The following LCA5L variants were observed in gnomAD, a reference collection of about 807,000 sequenced individuals.
The protein encoded by LCA5L is lebercilin LCA5 like.
A neutral mutation model predicts 45.4 loss-of-function variants in LCA5L; 35 were observed. That is an observed-to-expected ratio of 0.77 (90% CI 0.59 to 1.02). The LOEUF is 1.02. Ranked by LOEUF, LCA5L falls within the 50% of genes least tolerant of loss-of-function variation. The pLI, the probability that LCA5L is intolerant of heterozygous loss-of-function variation, is 0.00. For synonymous variants in LCA5L, 233 were observed against 264.7 expected, an observed-to-expected ratio of 0.88 and a Z score of 1.16; for missense variants, 668 against 761.6, an observed-to-expected ratio of 0.88 and a Z score of 1.45.
chr21:39,422,847 T>C lies in LCA5L; in HGVS notation c.837+129A>G, dbSNP rs1240468574. 7.0e-6 allele frequency: 6 copies of C among 851,084 alleles called. No homozygotes were observed. In the African/African-American group the frequency reaches 1.0e-4, roughly 14 times the overall value. 52.7% of individuals were successfully genotyped at this position (851,084 alleles called of 1,614,324 possible). On this transcript the variant is annotated intron_variant, in intron 6 of 10. Transcript: ENST00000288350. ...TGCCCTCTATTAGACAACATAATTA[T>C]TTAGTGCAGCACGCCAAGTGAAGCA...
chr21:39,424,178 A>G (rs2074243516), intron 5 of LCA5L, among the ~76,000 whole-genome samples: 1 of 151,818 alleles, frequency 6.6e-6, no homozygotes, highest in African/African-American at 2.4e-5. Context: ...ATGCCCTGCT[A>G]ATTTTTGTAT....
chr21:39,423,462 C>T lies in LCA5L; in HGVS notation c.351G>A (p.Lys117=). 6.4e-7 allele frequency: 1 copy of T among 1,566,314 alleles called. No homozygotes were observed. Among genetic ancestry groups the T allele is most frequent in the Non-Finnish European group, 8.6e-7 (1 of 1,163,332 alleles). The change falls in exon 6 of 11, where the codon AAG becomes AAA. Residue 117 remains lysine, a synonymous_variant. Coordinates refer to ENST00000288350, the MANE Select transcript of LCA5L (RefSeq NM_152505.4). ...TAAAGAGTGATGCATTCCAGGTGTG[C>T]TTTTTTTCAACTGATATTTCCTTCT... is the stretch of plus-strand genomic sequence containing the variant. The part of the protein sequence containing the change: ...KGQKEISVEK[K]HTWNASLFNS...
intron 1 of LCA5L, chr21:39,445,339 A>C (rs1255942375): frequency 2.0e-5 from 3 of 152,340 alleles, no homozygotes; most frequent in Non-Finnish European, 2.9e-5. Flanking sequence ...ATCGGAGGTC[A>C]GATAGAAGAT....
intron 7 of LCA5L, among the ~76,000 whole-genome samples, chr21:39,419,361 C>A (rs1173925085): frequency 6.6e-6 from 1 of 151,618 alleles, no homozygotes; most frequent in Non-Finnish European, 1.5e-5. Context: ...CCCGTCTCTA[C>A]AAAAATTTTA....
At chr21:39,430,435 T>C (rs1163280917) in intron 3 of LCA5L, among the ~76,000 whole-genome samples, 2 of 152,150 alleles carry the variant, frequency 1.3e-5, no homozygotes, top group African/African-American at 4.8e-5. Flanking sequence ...CCAGCTACAG[T>C]AGTGGGAGGG....
In LCA5L at chr21:39,428,178, AT is replaced by A; in HGVS notation, c.315del (p.Gln105HisfsTer27). The A allele has an allele frequency of 4.5e-6, 7 of 1,570,850 alleles. No homozygotes were observed. Among genetic ancestry groups the A allele is most frequent in the South Asian group, 1.2e-5 (1 of 85,362 alleles). Reference protein sequence around the residue: ...KKKYNVSKISQSKGQKEISVE... With the variant: ...KKKYNVSKISXSKGQKEISVE... ...GGGAAATTTTACTCCTTACCTTTAG[AT>A]TGGGAGATTTTAGAAACATTATACT... On this transcript the variant is annotated frameshift_variant, in exon 5 of 11. Coordinates refer to ENST00000288350, the MANE Select transcript of LCA5L (RefSeq NM_152505.4). LOFTEE classifies it high-confidence loss of function.
At chr21:39,444,808 T>A (rs1004100515) in intron 1 of LCA5L, 2 of 152,220 alleles carry the variant, frequency 1.3e-5, no homozygotes, top group Non-Finnish European at 2.9e-5. Context: ...AACTGGAGGA[T>A]GGAATTTCCA....
intron 2 of LCA5L, chr21:39,443,497 G>C (rs1602010719): frequency 1.3e-5 from 2 of 152,304 alleles, no homozygotes; most frequent in African/African-American, 2.4e-5. Flanking sequence ...ACAGATATAA[G>C]TAAGGCTTGC....
At chr21:39,415,342 C>T (rs1023688173) in intron 7 of LCA5L, among the ~76,000 whole-genome samples, 1 of 152,098 alleles carries the variant, frequency 6.6e-6, no homozygotes, top group African/African-American at 2.4e-5. Context: ...AAGCATTTTT[C>T]CCTTTGAAAC....
At chr21:39,431,066 G>C (rs189496079) in intron 3 of LCA5L, among the ~76,000 whole-genome samples, 1 of 152,238 alleles carries the variant, frequency 6.6e-6, no homozygotes, top group African/African-American at 2.4e-5. Context: ...AGCCACATAA[G>C]AATAAACAAG....
In LCA5L at chr21:39,405,914, G is replaced by A; in HGVS notation, c.1981C>T (p.Pro661Ser). The A allele has an allele frequency of 6.2e-7, 1 of 1,601,546 alleles. No individual in the cohort carries two copies. Among genetic ancestry groups the A allele is most frequent in the South Asian group, 1.1e-5 (1 of 90,024 alleles). ...ATTATTTTTCTTTTTCCTTCTGTAG[G>A]TGACGATGGCTTAATAGAATTTACC... ...TVVNSIKPSS[P>S]TEGKRKIII Residue 661 changes from proline (P) to serine (S), a missense_variant, in exon 11 of 11, where the codon CCT (proline) becomes TCT (serine). Transcript: ENST00000288350.
chr21:39,417,648 G>A (rs913436894), intron 7 of LCA5L, among the ~76,000 whole-genome samples: 2 of 152,172 alleles, frequency 1.3e-5, no homozygotes, highest in South Asian at 2.1e-4. Context: ...CACATGGCTG[G>A]GGAGGCCTCA....
intron 2 of LCA5L, among the ~76,000 whole-genome samples, chr21:39,435,821 A>G (rs1448535614): frequency 2.0e-5 from 3 of 152,076 alleles, no homozygotes; most frequent in Non-Finnish European, 4.4e-5. Context: ...TATTTTTAGT[A>G]CAGACGGGGT....
Position 39,418,249 on chromosome 21 carries a change from C to G in LCA5L, c.975+2457G>C, listed in dbSNP as rs989987941. On this transcript the variant is annotated intron_variant, in intron 7 of 10. Transcript: ENST00000288350. ...GGGTGGGGACACAGCCAAACCATAT[C>G]AAGGATATTACAGTTTCGTTTGCCT... is the stretch of plus-strand genomic sequence containing the variant. Among the ~76,000 whole-genome samples, 5 of 152,150 alleles carry G rather than the reference C, an allele frequency of 3.3e-5. No homozygotes were observed. The South Asian group carries it at 1.0e-3, about 31-fold the overall frequency.
rs138224767 is a variant in LCA5L at position 39,410,059 on chromosome 21, T to C, written c.1202A>G (p.Lys401Arg). The part of the protein sequence containing the change: ...KATGNIDHKE[K>R]STEINHEIPH... ...AATTTCATGATTTATTTCAGTTGAT[T>C]TTTCTTTATGATCGATGTTTCCTGT... is the stretch of plus-strand genomic sequence containing the variant. The change falls in exon 10 of 11, where the codon AAA becomes AGA. Residue 401 changes from lysine to arginine, a missense_variant. Physicochemically the swap from Lys to Arg is conservative, Grantham distance 26. Transcript: ENST00000288350. 283 of 1,611,650 alleles carry C rather than the reference T, an allele frequency of 1.8e-4. No individual in the cohort carries two copies. The highest frequency in any genetic ancestry group is 1.1e-3 in the Admixed American group (64 of 59,888).
At chr21:39,434,492 GA>G (rs2076098944) in intron 3 of LCA5L, among the ~76,000 whole-genome samples, 1 of 152,016 alleles carries the variant, frequency 6.6e-6, no homozygotes. Context: ...GTGCATTTTT[GA>G]AAAATCCAGG....
At chr21:39,417,612 A>G (rs1167552493) in intron 7 of LCA5L, among the ~76,000 whole-genome samples, 1 of 152,142 alleles carries the variant, frequency 6.6e-6, no homozygotes, top group East Asian at 1.9e-4. Flanking sequence ...TTTATAAGGG[A>G]CAGAGGTTTA....
Position 39,406,440 on chromosome 21 carries a change from T to A in LCA5L, c.1455A>T (p.Glu485Asp), listed in dbSNP as rs777197200. 8.1e-6 allele frequency: 13 copies of A among 1,614,010 alleles called. No homozygotes were observed. The highest frequency in any genetic ancestry group is 1.3e-5 in the African/African-American group (1 of 74,934). ...VIHPERESNQEDVLVREKFKR... is the reference protein window; with the variant it reads ...VIHPERESNQDDVLVREKFKR... ...TAAACTTTTCTCTTACTAGAACATC[T>A]TCTTGATTGCTTTCTCTTTCAGGAT... The change falls in exon 11 of 11, where the codon GAA becomes GAT. Residue 485 changes from glutamate (E) to aspartate (D), a missense_variant. By Grantham distance (45) the Glu-to-Asp change is conservative (BLOSUM62 2). Transcript: ENST00000288350.
intron 5 of LCA5L, among the ~76,000 whole-genome samples, chr21:39,427,095 G>A (rs1014749057): frequency 2.0e-5 from 3 of 152,194 alleles, no homozygotes; most frequent in Admixed American, 2.0e-4. Context: ...CAGCAGACTG[G>A]GGATGCAAGA....
Sources: gnomAD v4.1 joint callset for allele counts (sites outside exome capture counted in the v4.1 genomes callset) on GRCh38, gnomAD v4.1.1 for gene constraint, MANE v1.5 for transcripts, NCBI Gene and HGNC (gene_info 2026-07-23, HGNC 2026-07-21) for gene names.